The following MYH13 variants were observed in gnomAD, a reference collection of about 807,000 sequenced individuals.
The protein encoded by MYH13 is myosin heavy chain 13.
A neutral mutation model predicts 232.1 loss-of-function variants in MYH13; 177 were observed. That is an observed-to-expected ratio of 0.76 (90% CI 0.67 to 0.86). MYH13 has a LOEUF of 0.86. MYH13 is among the 40% of genes least tolerant of loss of function. The probability of loss-of-function intolerance (pLI) is 0.00; values close to 1 mark genes in which losing one functional copy is unlikely to be tolerated. For missense variants in MYH13, 2,246 were observed against 2,405.9 expected (o/e 0.93, Z 1.39); for synonymous variants, 884 against 923.5 (o/e 0.96, Z 0.78).
At chr17:10,328,975 G>T (rs1907319228) in intron 21 of MYH13, among the ~76,000 whole-genome samples, 1 of 152,114 alleles carries the variant, frequency 6.6e-6, no homozygotes, top group South Asian at 2.1e-4. Context: ...ACCACAACCA[G>T]CCTGTATTCC....
At chr17:10,301,033 G>T in intron 40 of MYH13, 68 bp from the exon 41 acceptor site, 1 of 1,401,614 alleles carries the variant, frequency 7.1e-7, no homozygotes, top group Non-Finnish European at 1.0e-6. Context: ...ACATCATCTT[G>T]AAGTGAAGCA....
chr17:10,318,323 C>T (rs1367064705), intron 27 of MYH13, among the ~76,000 whole-genome samples: 1 of 152,154 alleles, frequency 6.6e-6, no homozygotes, highest in Admixed American at 6.5e-5. Flanking sequence ...TTCATAATTT[C>T]CAGTCCAGTG....
chr17:10,305,322 A>G (rs1300013146), intron 37 of MYH13, among the ~76,000 whole-genome samples: 1 of 152,160 alleles, frequency 6.6e-6, no homozygotes, highest in Admixed American at 6.5e-5. Flanking sequence ...ACAGGCCTAA[A>G]CTCATTGTAG....
Position 10,313,350 on chromosome 17 carries a change from T to C in MYH13, c.3989A>G (p.Lys1330Arg). 1.2e-6 allele frequency: 2 copies of C among 1,614,254 alleles called. No individual in the cohort carries two copies. The highest frequency in any genetic ancestry group is 1.3e-5 in the African/African-American group (1 of 75,062). Residue 1330 changes from lysine (K) to arginine (R), a missense_variant, in exon 30 of 41, where the codon AAG (lysine) becomes AGG (arginine). By Grantham distance (26) the Lys-to-Arg change is conservative. Coordinates refer to ENST00000252172, the MANE Select transcript of MYH13 (RefSeq NM_003802.3). ...CTGCAGGGCGTGCGCCATGGCGTTC[T>C]TGGCCTGGGAATGACAGCGGTGACA... ...KRQMEEETKA[K>R]NAMAHALQSS... is the part of the protein sequence containing the mutation.
chr17:10,338,711 T>G (rs2071596008), intron 18 of MYH13, among the ~76,000 whole-genome samples: 1 of 147,916 alleles, frequency 6.8e-6, no homozygotes, highest in Non-Finnish European at 1.5e-5. Context: ...TTTTTGTTTG[T>G]TTTTTTTGAG....
chr17:10,332,277 C>G (rs1295548988), intron 19 of MYH13, 55 bp from the exon 20 acceptor site: 2 of 1,602,064 alleles, frequency 1.2e-6, no homozygotes, highest in Non-Finnish European at 1.7e-6. Context: ...GGCTTCATAG[C>G]TGAGACCAGC....
chr17:10,308,918 C>T (rs1262994219), intron 35 of MYH13, among the ~76,000 whole-genome samples: 1 of 152,148 alleles, frequency 6.6e-6, no homozygotes, highest in Non-Finnish European at 1.5e-5. Flanking sequence ...TCTTAATATT[C>T]TAAGGTTTCC....
At position 10,323,076 on chromosome 17, in the gene MYH13, G is replaced by T. The variant is rs758769681; in HGVS notation, c.2934+946C>A. On this transcript the variant is annotated intron_variant, in intron 23 of 40. Coordinates refer to ENST00000252172, the MANE Select transcript of MYH13 (RefSeq NM_003802.3). The stretch of plus-strand genomic sequence containing the variant: ...TTTAGTTCTCCGTTTTCCCCGTGGT[G>T]GACCCTGGCACTGCCTCCAGCTGTC... 3.0e-4 allele frequency among the ~76,000 whole-genome samples: 46 copies of T among 152,132 alleles called. 2 individuals carry two copies. The highest frequency in any genetic ancestry group is 1.5e-4 in the Non-Finnish European group (10 of 68,028).
At chr17:10,354,859 G>A in intron 10 of MYH13, 36 bp downstream of exon 10, 7 of 1,586,606 alleles carry the variant, frequency 4.4e-6, no homozygotes, top group East Asian at 2.2e-5. Context: ...CAACGTCACC[G>A]ATTTGGAACA....
chr17:10,305,305 GAGA>G (rs961097797), intron 37 of MYH13, among the ~76,000 whole-genome samples: 1 of 152,216 alleles, frequency 6.6e-6, no homozygotes, highest in African/African-American at 2.4e-5. Context: ...AGGGATCCAT[GAGA>G]AGAACAGGCC....
intron 7 of MYH13, among the ~76,000 whole-genome samples, chr17:10,358,877 G>C (rs995778278): frequency 6.6e-6 from 1 of 152,346 alleles, no homozygotes; most frequent in East Asian, 1.9e-4. Context: ...TGATTCTGAT[G>C]TGTACTCCAG....
intron 32 of MYH13, among the ~76,000 whole-genome samples, chr17:10,311,704 T>C (rs1906513128): frequency 6.6e-6 from 1 of 152,188 alleles, no homozygotes; most frequent in South Asian, 2.1e-4. Flanking sequence ...GTTCCTTCAG[T>C]TCTCAAAAAT....
At chr17:10,366,060 A>G (rs920537660) in intron 2 of MYH13, among the ~76,000 whole-genome samples, 4 of 151,936 alleles carry the variant, frequency 2.6e-5, no homozygotes, top group Non-Finnish European at 5.9e-5. Flanking sequence ...AAGTCCTAGC[A>G]CTGATCAAAC....
chr17:10,321,042 G>C (rs370789877), intron 24 of MYH13, among the ~76,000 whole-genome samples: 17 of 152,216 alleles, frequency 1.1e-4, no homozygotes, highest in East Asian at 5.8e-4. Flanking sequence ...AGCCACAATA[G>C]TGAGTAAAAC....
chr17:10,306,793 A>C lies in MYH13; in HGVS notation c.5295+146T>G. On this transcript the variant is annotated intron_variant, in intron 36 of 40. Coordinates refer to ENST00000252172, the MANE Select transcript of MYH13 (RefSeq NM_003802.3). This position sits in a 1 kb window ranked among gnomAD's most constrained non-coding sequence, Gnocchi z 4.3. ...CTCCCCTCCCACTTTGCCACTGCTGAGACTGTACCTCATTACATCTGTCTG... is the reference window on the plus strand; with the variant it reads ...CTCCCCTCCCACTTTGCCACTGCTGCGACTGTACCTCATTACATCTGTCTG... 2.0e-6 allele frequency: 3 copies of C among 1,526,436 alleles called. No individual in the cohort carries two copies. Among genetic ancestry groups the C allele is most frequent in the Non-Finnish European group, 2.6e-6 (3 of 1,137,756 alleles). 94.6% of individuals were successfully genotyped at this position (1,526,436 alleles called of 1,614,324 possible).
chr17:10,359,187 G>C (rs890235303), intron 7 of MYH13, among the ~76,000 whole-genome samples: 1 of 152,218 alleles, frequency 6.6e-6, no homozygotes, highest in African/African-American at 2.4e-5. Context: ...ATGGGGGCTG[G>C]CTGCCAGGGA....
intron 32 of MYH13, 88 bp downstream of exon 32, chr17:10,311,823 G>A: frequency 6.9e-7 from 1 of 1,456,318 alleles, no homozygotes; most frequent in Non-Finnish European, 9.5e-7. Flanking sequence ...TGGGAAGGAG[G>A]TGTCTGGAGA....
intron 3 of MYH13, 28 bp from the exon 4 acceptor site, chr17:10,362,531 T>C (rs768746668): frequency 1.2e-5 from 20 of 1,613,886 alleles, no homozygotes; most frequent in African/African-American, 4.0e-5. Context: ...AAGCAGGTAA[T>C]AAATTGGTGA....
In MYH13 at chr17:10,340,198, G is replaced by A. The variant is rs376853607; in HGVS notation, c.2008C>T (p.His670Tyr). 4.3e-6 allele frequency: 7 copies of A among 1,613,850 alleles called. No homozygotes were observed. The highest frequency in any genetic ancestry group is 1.3e-5 in the African/African-American group (1 of 74,896). ...NKLMTNLRST[H>Y]PHFVRCLIPN... ...ATCAGACATCGTACAAAGTGAGGGT[G>A]GGTGCTCCTTAAGTTAGTCATCAAT... The change falls in exon 18 of 41, where the codon CAC (histidine) becomes TAC (tyrosine). Residue 670 changes from histidine (H) to tyrosine (Y), a missense_variant. Physicochemically the swap from His to Tyr is moderately conservative, Grantham distance 83. Coordinates refer to ENST00000252172, the MANE Select transcript of MYH13 (RefSeq NM_003802.3).
Sources: gnomAD v4.1 joint callset for allele counts (sites outside exome capture counted in the v4.1 genomes callset) on GRCh38, gnomAD v4.1.1 for gene constraint, Gnocchi (gnomAD v3.1) non-coding constraint, MANE v1.5 for transcripts, NCBI Gene and HGNC (gene_info 2026-07-23, HGNC 2026-07-21) for gene names.